The following CNTN6 variants were observed in gnomAD, a reference collection of about 807,000 sequenced individuals.
CNTN6 encodes contactin-6.
A neutral mutation model predicts 122.8 loss-of-function variants in CNTN6; 137 were observed. The observed-to-expected ratio is 1.12, with a 90% CI of 0.97 to 1.29. The LOEUF is 1.29. Among genes scored for constraint, CNTN6 ranks in the 50% most tolerant of loss-of-function variants. The pLI is 0.00. For missense variants in CNTN6, 1,634 were observed against 1,223.4 expected, an observed-to-expected ratio of 1.34 and a Z score of -5.01; for synonymous variants, 570 against 426.0, an observed-to-expected ratio of 1.34 and a Z score of -4.16.
At chr3:1,169,204 G>T (rs550181107) in intron 2 of CNTN6, among the ~76,000 whole-genome samples, 16 of 152,310 alleles carry the variant, frequency 1.1e-4, no homozygotes, top group African/African-American at 3.1e-4. Context: ...ATTGGCAGAG[G>T]ATTTGTTCTT....
chr3:1,093,538 T>C (rs1364418859), intron 1 of CNTN6, among the ~76,000 whole-genome samples: 2 of 152,056 alleles, frequency 1.3e-5, no homozygotes, highest in Non-Finnish European at 2.9e-5. Context: ...TTTTTTTTTT[T>C]TTTAATCAAA....
chr3:1,345,469 T>G (rs1414541150), intron 11 of CNTN6, among the ~76,000 whole-genome samples: 1 of 152,190 alleles, frequency 6.6e-6, no homozygotes, highest in East Asian at 1.9e-4. Context: ...AAGGACAACC[T>G]TTATTTTGAT....
intron 1 of CNTN6, among the ~76,000 whole-genome samples, chr3:1,124,291 T>C (rs186268718): frequency 0.013 from 1,902 of 152,020 alleles, 17 homozygotes; most frequent in Non-Finnish European, 0.019. Flanking sequence ...CCCTGAATTA[T>C]ACCAACCCTG....
At chr3:1,219,911 A>G (rs953055262) in intron 2 of CNTN6, among the ~76,000 whole-genome samples, 1 of 151,870 alleles carries the variant, frequency 6.6e-6, no homozygotes, top group South Asian at 2.1e-4. Flanking sequence ...GCTAGGTGGG[A>G]GGTTCACCTG....
At chr3:1,382,919 T>C (rs1243935111) in intron 17 of CNTN6, 23 bp from the exon 18 acceptor site, 2 of 1,531,664 alleles carry the variant, frequency 1.3e-6, no homozygotes, top group African/African-American at 2.7e-5. Context: ...AAATACTCAG[T>C]GATTGATCAC....
At chr3:1,244,348 G>C (rs912313730) in intron 4 of CNTN6, among the ~76,000 whole-genome samples, 1 of 151,746 alleles carries the variant, frequency 6.6e-6, no homozygotes, top group South Asian at 2.1e-4. Context: ...GGGACTTGCC[G>C]CTGAGGGTGA....
chr3:1,166,844 T>C (rs966203266), intron 2 of CNTN6, among the ~76,000 whole-genome samples: 1 of 151,932 alleles, frequency 6.6e-6, no homozygotes, highest in East Asian at 1.9e-4. Context: ...TGAGAACACA[T>C]GGACACGGGA....
chr3:1,149,155 A>G (rs2092785666), intron 2 of CNTN6, among the ~76,000 whole-genome samples: 1 of 152,208 alleles, frequency 6.6e-6, no homozygotes, highest in South Asian at 2.1e-4. Flanking sequence ...CTGTTTTTGT[A>G]AACAACCAAC....
chr3:1,355,571 A>T (rs530626657), intron 12 of CNTN6, among the ~76,000 whole-genome samples: 12 of 151,840 alleles, frequency 7.9e-5, no homozygotes, highest in African/African-American at 2.9e-4. Context: ...GTTGTTTCTT[A>T]AGATGGCTTA....
intron 20 of CNTN6, among the ~76,000 whole-genome samples, chr3:1,398,071 G>A (rs17038698): frequency 0.063 from 9,580 of 152,176 alleles, 382 homozygotes; most frequent in African/African-American, 0.12. Flanking sequence ...GATTTTAAAA[G>A]TTAGAAAAGT....
chr3:1,263,457 G>A (rs940135883), intron 4 of CNTN6, among the ~76,000 whole-genome samples: 6 of 152,080 alleles, frequency 3.9e-5, no homozygotes, highest in Non-Finnish European at 7.4e-5. Flanking sequence ...GACACAATGC[G>A]GCAATACACA....
At chr3:1,313,787 A>T (rs564355216) in intron 7 of CNTN6, among the ~76,000 whole-genome samples, 1 of 152,214 alleles carries the variant, frequency 6.6e-6, no homozygotes, top group South Asian at 2.1e-4. Flanking sequence ...GTTGTTCACA[A>T]GTTCTGGAGG....
Position 1,377,007 on chromosome 3 carries a change from C to T in CNTN6, c.2098C>T (p.Pro700Ser). Reference sequence around the variant, plus strand: ...ACATTTCTCTTGGTTATTTTTAGTCCCTGTTGTGGCACCAGTAAACATCCA... The same window carrying T: ...ACATTTCTCTTGGTTATTTTTAGTCTCTGTTGTGGCACCAGTAAACATCCA... ...SELLRTKASVPVVAPVNIHGG... is the reference protein window; with the variant it reads ...SELLRTKASVSVVAPVNIHGG... The change falls in exon 17 of 23, where the codon CCT (proline) becomes TCT (serine). Residue 700 changes from proline to serine, a missense_variant and splice_region_variant. Pro to Ser is a moderately conservative substitution (Grantham distance 74). Transcript: ENST00000446702. 1.9e-6 allele frequency: 3 copies of T among 1,584,284 alleles called. No homozygotes were observed. Among genetic ancestry groups the T allele is most frequent in the African/African-American group, 1.4e-5 (1 of 73,884 alleles).
chr3:1,110,968 T>G (rs1485598802), intron 1 of CNTN6, among the ~76,000 whole-genome samples: 2 of 152,208 alleles, frequency 1.3e-5, no homozygotes, highest in Non-Finnish European at 2.9e-5. Context: ...AACCACTTAC[T>G]ACATGATTGG....
At chr3:1,283,198 G>A (rs921004564) in intron 5 of CNTN6, among the ~76,000 whole-genome samples, 8 of 152,050 alleles carry the variant, frequency 5.3e-5, no homozygotes, top group South Asian at 4.1e-4. Flanking sequence ...CATGTGATCC[G>A]CCTGCCTCGG....
At position 1,311,463 on chromosome 3, in the gene CNTN6, T is replaced by C. The variant is rs265809; in HGVS notation, c.762-10187T>C. Among the ~76,000 whole-genome samples, 118 of 94,922 alleles carry C rather than the reference T, an allele frequency of 1.2e-3. 4 individuals carry two copies. Among genetic ancestry groups the C allele is most frequent in the African/African-American group, 4.0e-3 (95 of 23,908 alleles). The allele number at this position is 94,922 out of a possible 152,430, so 62.3% of individuals were successfully genotyped here. ...TATAAAATGTCTTTATATGTACATA[T>C]ATGTACATATAAAATGTCTTTATAT... On this transcript the variant is annotated intron_variant, in intron 7 of 22. Transcript: ENST00000446702.
At chr3:1,254,591 AAC>A (rs1442995765) in intron 4 of CNTN6, among the ~76,000 whole-genome samples, 11 of 152,298 alleles carry the variant, frequency 7.2e-5, no homozygotes, top group Admixed American at 2.0e-4. Flanking sequence ...TGATAAAACA[AAC>A]ACATCCTTGC....
intron 13 of CNTN6, 111 bp downstream of exon 13, chr3:1,372,585 CTGTT>C: frequency 7.4e-6 from 7 of 950,880 alleles, no homozygotes; most frequent in Non-Finnish European, 9.2e-6. Flanking sequence ...TAATCACTGA[CTGTT>C]TTTGAAGCTA....
chr3:1,152,178 G>A (rs2092860002), intron 2 of CNTN6, among the ~76,000 whole-genome samples: 1 of 151,922 alleles, frequency 6.6e-6, no homozygotes, highest in South Asian at 2.1e-4. Flanking sequence ...TCCCTGTGTT[G>A]CCCAGGCTGG....
Sources: allele counts gnomAD v4.1 joint callset (sites outside exome capture counted in the v4.1 genomes callset), GRCh38; gene constraint gnomAD v4.1.1; transcripts MANE v1.5; gene names NCBI Gene and HGNC (gene_info 2026-07-23, HGNC 2026-07-21).